PDE4D: variants seen among roughly 807,000 people sequenced by gnomAD.
PDE4D encodes 3',5'-cyclic-AMP phosphodiesterase 4D.
In PDE4D, 24 loss-of-function variants were observed where a neutral mutation model predicts 87.4. That is an observed-to-expected ratio of 0.27 (90% CI 0.20 to 0.39). PDE4D has a LOEUF of 0.39. Ranked by LOEUF, PDE4D falls within the 10% of genes least tolerant of loss-of-function variation. The pLI is 1.00. For synonymous variants in PDE4D, 384 were observed against 383.2 expected (o/e 1.00, Z -0.02); for missense variants, 714 against 1,041.0 (o/e 0.69, Z 4.32).
chr5:60,345,102 A>G (rs866680643), intron 1 of PDE4D, among the ~76,000 whole-genome samples: 1 of 152,130 alleles, frequency 6.6e-6, no homozygotes, highest in South Asian at 2.1e-4. Flanking sequence ...TCTCTAAAAA[A>G]TTAACATTAT....
intron 1 of PDE4D, among the ~76,000 whole-genome samples, chr5:59,821,448 TTGAA>T (rs1486874795): frequency 6.7e-6 from 1 of 148,540 alleles, no homozygotes; most frequent in Non-Finnish European, 1.5e-5. Flanking sequence ...CACACTTACA[TTGAA>T]TGAATAAAGA....
chr5:59,681,855 G>A (rs1348038219), intron 1 of PDE4D, among the ~76,000 whole-genome samples: 1 of 147,224 alleles, frequency 6.8e-6, no homozygotes, highest in African/African-American at 2.5e-5. Context: ...GAGCCGAGGC[G>A]GAGTCACTGC....
At position 58,974,750 on chromosome 5, in the gene PDE4D, C is replaced by A. The variant is rs772172326; in HGVS notation, c.2344G>T (p.Glu782Ter). The A allele has an allele frequency of 1.2e-6, 2 of 1,613,606 alleles. No homozygotes were observed. The highest frequency in any genetic ancestry group is 3.3e-5 in the Admixed American group (2 of 60,010). ...DSESTEIPLD[E>*]QVEEEAVGEE... is the part of the protein sequence containing the mutation. Reference sequence around the variant, plus strand: ...CCTACTGCCTCCTCTTCAACCTGTTCATCAAGGGGAATTTCAGTAGACTCT... The same window carrying A: ...CCTACTGCCTCCTCTTCAACCTGTTAATCAAGGGGAATTTCAGTAGACTCT... The change falls in exon 15 of 15, where the codon GAA (glutamate) becomes TAA (stop). Residue 782 changes from glutamate (E) to a stop codon, truncating the protein, a stop_gained. Transcript: ENST00000340635. LOFTEE classifies it high-confidence loss of function.
intron 1 of PDE4D, among the ~76,000 whole-genome samples, chr5:60,238,556 G>T (rs1384817712): frequency 6.6e-6 from 1 of 151,830 alleles, no homozygotes; most frequent in East Asian, 1.9e-4. Flanking sequence ...CTTAAAACTG[G>T]TTGGTATGAA....
chr5:59,217,154 G>C (rs1266961666), intron 1 of PDE4D: 1 of 453,084 alleles, frequency 2.2e-6, no homozygotes, highest in Non-Finnish European at 4.4e-6. Flanking sequence ...AACCTTTCTA[G>C]TGAAACATCA....
intron 1 of PDE4D, among the ~76,000 whole-genome samples, chr5:59,282,236 T>G (rs1019665431): frequency 2.6e-5 from 4 of 152,180 alleles, no homozygotes; most frequent in African/African-American, 4.8e-5. Flanking sequence ...AAAATTAACT[T>G]ACTTCAATAA....
intron 1 of PDE4D, among the ~76,000 whole-genome samples, chr5:60,481,645 A>T (rs1453554045): frequency 2.0e-5 from 3 of 152,186 alleles, no homozygotes; most frequent in African/African-American, 7.2e-5. Flanking sequence ...TTCCTTGACA[A>T]TTGTTCATTT....
chr5:59,603,247 T>A (rs1488140448), intron 1 of PDE4D, among the ~76,000 whole-genome samples: 2 of 151,938 alleles, frequency 1.3e-5, no homozygotes. Flanking sequence ...ATTTACAAGC[T>A]ATACCTCTAA....
intron 1 of PDE4D, among the ~76,000 whole-genome samples, chr5:59,337,122 G>GA (rs1459347659): frequency 1.5e-4 from 23 of 152,236 alleles, no homozygotes; most frequent in African/African-American, 5.1e-4. Flanking sequence ...AGAGGAGAAG[G>GA]ATGAAGGAAG....
chr5:58,990,734 T>C (rs1747713998), intron 9 of PDE4D, 70 bp downstream of exon 9: 2 of 786,308 alleles, frequency 2.5e-6, no homozygotes. Flanking sequence ...AGACAAAATG[T>C]ATGCATAAGC....
intron 3 of PDE4D, among the ~76,000 whole-genome samples, chr5:59,936,995 C>T (rs983755802): frequency 5.3e-5 from 8 of 152,198 alleles, no homozygotes; most frequent in African/African-American, 1.9e-4. Context: ...GGAAGCTCAG[C>T]AAACCTCTAA....
At chr5:59,346,499 G>A (rs1779620719) in intron 1 of PDE4D, among the ~76,000 whole-genome samples, 1 of 151,838 alleles carries the variant, frequency 6.6e-6, no homozygotes, top group Non-Finnish European at 1.5e-5. Flanking sequence ...CCAAAATACA[G>A]GATAATTTGT....
intron 1 of PDE4D, among the ~76,000 whole-genome samples, chr5:60,382,220 A>G (rs1761908656): frequency 2.0e-5 from 3 of 152,168 alleles, no homozygotes; most frequent in African/African-American, 7.2e-5. Flanking sequence ...AGTTATTTCC[A>G]AATAAACTGG....
chr5:60,445,626 C>CT (rs1388141657), intron 1 of PDE4D, among the ~76,000 whole-genome samples: 1 of 152,130 alleles, frequency 6.6e-6, no homozygotes, highest in Non-Finnish European at 1.5e-5. Flanking sequence ...GACTCAACCA[C>CT]TGCCCAGGGG....
intron 1 of PDE4D, among the ~76,000 whole-genome samples, chr5:59,284,334 G>T (rs1438088468): frequency 6.6e-6 from 1 of 152,088 alleles, no homozygotes; most frequent in Non-Finnish European, 1.5e-5. Context: ...ACCATTCTTG[G>T]TAGAGCACAA....
intron 1 of PDE4D, among the ~76,000 whole-genome samples, chr5:59,693,184 A>G (rs1052106397): frequency 6.6e-6 from 1 of 151,932 alleles, no homozygotes; most frequent in Non-Finnish European, 1.5e-5. Context: ...AAGGAAAAAA[A>G]TAGTAAAAAA....
At chr5:60,403,623 T>G (rs943078748) in intron 1 of PDE4D, among the ~76,000 whole-genome samples, 1 of 152,166 alleles carries the variant, frequency 6.6e-6, no homozygotes, top group Non-Finnish European at 1.5e-5. Flanking sequence ...AGGTATCATG[T>G]CCCCCATTTT....
At chr5:60,460,597 A>G (rs1746848936) in intron 1 of PDE4D, 2 of 1,271,948 alleles carry the variant, frequency 1.6e-6, no homozygotes, top group South Asian at 2.4e-5. Context: ...TACTTCATCA[A>G]TGCATTCAAT....
In PDE4D at chr5:58,994,861, CAAAG is replaced by C. The variant is rs145253945; in HGVS notation, c.922-1400_922-1397del. Among the ~76,000 whole-genome samples, 672 of 151,870 alleles carry C rather than the reference CAAAG, an allele frequency of 4.4e-3. 4 individuals are homozygous for C. The highest frequency in any genetic ancestry group is 0.016 in the African/African-American group (661 of 41,406). On this transcript the variant is annotated intron_variant, in intron 6 of 14. Transcript: ENST00000340635. Reference sequence around the variant, plus strand: ...ATTCGCATGCCAGCGTAGTCAAAAACAAAGAACTCGTCATTTACATTGGGTGTAT... The same window carrying C: ...ATTCGCATGCCAGCGTAGTCAAAAACAACTCGTCATTTACATTGGGTGTAT...
Sources: gnomAD v4.1 joint callset for allele counts (sites outside exome capture counted in the v4.1 genomes callset) on GRCh38, gnomAD v4.1.1 for gene constraint, MANE v1.5 for transcripts, NCBI Gene and HGNC (gene_info 2026-07-23, HGNC 2026-07-21) for gene names.